Variants in NHERF1 observed in about 807,000 individuals in gnomAD.
The protein encoded by NHERF1 is NHERF family PDZ scaffold protein 1.
At chr17:74,749,089 C>G in the NHERF1 span, 1 of 1,587,136 alleles carries the variant, frequency 6.3e-7, no homozygotes, top group Non-Finnish European at 8.5e-7. The surrounding 1 kb of genome is among the most constrained non-coding windows in gnomAD (Gnocchi z 5.6). Flanking sequence ...GCATCCGCGC[C>G]GCACTCAACG....
At chr17:74,749,456 C>A in the NHERF1 span, among the ~76,000 whole-genome samples, 65 of 152,334 alleles carry the variant, frequency 4.3e-4, no homozygotes, top group Non-Finnish European at 7.1e-4. The surrounding 1 kb of genome is among the most constrained non-coding windows in gnomAD (Gnocchi z 5.6). Flanking sequence ...ACATCCTAGG[C>A]AGGCCTGGGG....
At chr17:74,768,689 C>T in the NHERF1 span, 21 of 1,559,642 alleles carry the variant, frequency 1.3e-5, no homozygotes, top group Middle Eastern at 1.7e-4. Context: ...CTGGCAGGGC[C>T]GAGCCAGCAT....
chr17:74,760,221 CG>C, the NHERF1 span, among the ~76,000 whole-genome samples: 206 of 152,108 alleles, frequency 1.4e-3, no homozygotes, highest in African/African-American at 4.8e-3. This position sits in a 1 kb window ranked among gnomAD's most constrained non-coding sequence, Gnocchi z 4.5. Context: ...GTGGGAGTGC[CG>C]GGGGGTGAGC....
the NHERF1 span, among the ~76,000 whole-genome samples, chr17:74,767,733 ACAGT>A: frequency 6.6e-5 from 10 of 152,150 alleles, no homozygotes; most frequent in Non-Finnish European, 1.0e-4. Flanking sequence ...ATCCTGGCAA[ACAGT>A]CAGGTGGACC....
At chr17:74,766,940 C>T in the NHERF1 span, 53 of 1,613,990 alleles carry the variant, frequency 3.3e-5, no homozygotes, top group Non-Finnish European at 4.0e-5. Context: ...GCCTAGGTCC[C>T]CTGCCTGTGC....
the NHERF1 span, chr17:74,763,130 G>A: frequency 8.4e-5 from 41 of 488,546 alleles, 1 homozygote; most frequent in African/African-American, 4.7e-4. Context: ...GTTTAGTCTC[G>A]TCTGGATATT....
At chr17:74,763,556 G>A in the NHERF1 span, 1 of 1,556,496 alleles carries the variant, frequency 6.4e-7, no homozygotes, top group East Asian at 2.4e-5. Context: ...TCCTGGGGCT[G>A]GAGCCCCCCA....
chr17:74,753,284 C>T, the NHERF1 span, among the ~76,000 whole-genome samples: 2 of 152,304 alleles, frequency 1.3e-5, no homozygotes, highest in African/African-American at 4.8e-5. Context: ...TTCCTGCCAG[C>T]CCTGACCCTG....
chr17:74,752,722 G>T, the NHERF1 span, among the ~76,000 whole-genome samples: 2 of 152,140 alleles, frequency 1.3e-5, no homozygotes, highest in African/African-American at 4.8e-5. Context: ...TTGAACTCCT[G>T]GGCTGAGGTG....
chr17:74,766,179 GTTTGT>G, the NHERF1 span, among the ~76,000 whole-genome samples: 1 of 151,626 alleles, frequency 6.6e-6, no homozygotes, highest in African/African-American at 2.4e-5. Flanking sequence ...AGGTTTTTTG[GTTTGT>G]TTTTTTTGTT....
At chr17:74,756,381 C>T in the NHERF1 span, among the ~76,000 whole-genome samples, 5 of 143,958 alleles carry the variant, frequency 3.5e-5, no homozygotes, top group Middle Eastern at 3.8e-3. Context: ...TGGGTTCAAG[C>T]GGTTCTCGTG....
At chr17:74,766,644 A>G in the NHERF1 span, among the ~76,000 whole-genome samples, 3 of 150,738 alleles carry the variant, frequency 2.0e-5, no homozygotes, top group African/African-American at 7.3e-5. Context: ...TAGGCCAGAC[A>G]TTTGCTCACA....
the NHERF1 span, among the ~76,000 whole-genome samples, chr17:74,754,777 C>T: frequency 6.6e-6 from 1 of 152,194 alleles, no homozygotes; most frequent in Non-Finnish European, 1.5e-5. Flanking sequence ...CCACACCCAG[C>T]CAATATGCAT....
the NHERF1 span, among the ~76,000 whole-genome samples, chr17:74,751,389 C>T: frequency 1.3e-5 from 2 of 152,226 alleles, no homozygotes; most frequent in Non-Finnish European, 2.9e-5. The surrounding 1 kb of genome is among the most constrained non-coding windows in gnomAD (Gnocchi z 4.3). Context: ...TTTGCCAATT[C>T]GTTTTAGTCT....
chr17:74,768,552 A>G, the NHERF1 span: 4 of 1,613,712 alleles, frequency 2.5e-6, no homozygotes, highest in East Asian at 2.2e-5. Flanking sequence ...AGACTTCAAC[A>G]TCTCCCTGGC....
At chr17:74,749,344 A>G in the NHERF1 span, 1 of 1,434,704 alleles carries the variant, frequency 7.0e-7, no homozygotes, top group African/African-American at 1.5e-5. The surrounding 1 kb of genome is among the most constrained non-coding windows in gnomAD (Gnocchi z 5.6). Context: ...ATCCGGAGAG[A>G]CCCAGGTGCC....
At chr17:74,749,820 G>A in the NHERF1 span, among the ~76,000 whole-genome samples, 1 of 152,234 alleles carries the variant, frequency 6.6e-6, no homozygotes, top group Admixed American at 6.5e-5. The surrounding 1 kb of genome is among the most constrained non-coding windows in gnomAD (Gnocchi z 5.6). Flanking sequence ...GCCGGTGTGT[G>A]TCCTGAACTT....
the NHERF1 span, among the ~76,000 whole-genome samples, chr17:74,766,509 T>A: frequency 1.3e-5 from 2 of 150,848 alleles, no homozygotes; most frequent in African/African-American, 2.4e-5. Context: ...GGCCCAGACA[T>A]TTTTTTGTTT....
At chr17:74,756,832 G>T in the NHERF1 span, among the ~76,000 whole-genome samples, 7 of 152,112 alleles carry the variant, frequency 4.6e-5, no homozygotes, top group Non-Finnish European at 1.0e-4. Context: ...AGAGCTCGGT[G>T]CCTAACACAT....
Sources: allele counts gnomAD v4.1 joint callset (sites outside exome capture counted in the v4.1 genomes callset), GRCh38; gene constraint gnomAD v4.1.1; non-coding constraint Gnocchi (gnomAD v3.1); transcripts MANE v1.5; gene names NCBI Gene and HGNC (gene_info 2026-07-23, HGNC 2026-07-21).